The following SLC2A13 variants were observed in gnomAD, a reference collection of about 807,000 sequenced individuals.
SLC2A13 encodes proton myo-inositol cotransporter.
A neutral mutation model predicts 64.4 loss-of-function variants in SLC2A13; 32 were observed. The observed-to-expected ratio is 0.50, with a 90% CI of 0.37 to 0.67. The LOEUF (loss-of-function observed/expected upper bound fraction) is 0.67, where lower values mean the gene tolerates loss of function less well. Ranked by LOEUF, SLC2A13 falls within the 30% of genes least tolerant of loss-of-function variation. The pLI is 0.00. For synonymous variants in SLC2A13, 338 were observed against 327.1 expected (o/e 1.03, Z -0.36); for missense variants, 743 against 829.2 (o/e 0.90, Z 1.28).
chr12:39,912,846 A>G (rs1945453233), intron 4 of SLC2A13, among the ~76,000 whole-genome samples: 1 of 152,080 alleles, frequency 6.6e-6, no homozygotes, highest in African/African-American at 2.4e-5. Context: ...TTCTTTTCTC[A>G]GGTCTAGGAC....
chr12:39,905,196 A>T (rs1313746514), intron 4 of SLC2A13, among the ~76,000 whole-genome samples: 2 of 152,140 alleles, frequency 1.3e-5, no homozygotes, highest in African/African-American at 4.8e-5. Flanking sequence ...TAATACTCTG[A>T]ACACTGTACT....
At chr12:39,974,853 A>G (rs1946733740) in intron 3 of SLC2A13, among the ~76,000 whole-genome samples, 1 of 152,220 alleles carries the variant, frequency 6.6e-6, no homozygotes, top group Non-Finnish European at 1.5e-5. Flanking sequence ...AGCCTTTTAC[A>G]TAATTTTTCA....
chr12:39,972,838 C>T (rs566044), intron 3 of SLC2A13, among the ~76,000 whole-genome samples: 8,645 of 152,194 alleles, frequency 0.057, 369 homozygotes, highest in Middle Eastern at 0.14. Flanking sequence ...GAGGCCAAGG[C>T]AGGTGGATCA....
chr12:39,764,085 A>G (rs12230687), intron 9 of SLC2A13, among the ~76,000 whole-genome samples: 20,346 of 151,906 alleles, frequency 0.13, 1,634 homozygotes, highest in East Asian at 0.39. Flanking sequence ...AGGACATCTC[A>G]TTGGCCCTAG....
intron 3 of SLC2A13, among the ~76,000 whole-genome samples, chr12:39,978,542 G>C (rs528018657): frequency 1.3e-5 from 2 of 152,178 alleles, no homozygotes; most frequent in Non-Finnish European, 2.9e-5. Context: ...TTCCCTTTCG[G>C]AGTCAAAGAA....
intron 6 of SLC2A13, among the ~76,000 whole-genome samples, chr12:39,838,599 C>T (rs1943091684): frequency 6.7e-6 from 1 of 149,782 alleles, no homozygotes; most frequent in East Asian, 2.0e-4. Flanking sequence ...GGCTCTAAAA[C>T]CTAAAAATGC....
intron 4 of SLC2A13, among the ~76,000 whole-genome samples, chr12:39,895,543 TATATATATAC>T (rs1354265965): frequency 1.3e-5 from 1 of 78,796 alleles, no homozygotes; most frequent in Non-Finnish European, 2.6e-5. Context: ...TATATATATA[TATATATATAC>T]ACACACACAC....
intron 1 of SLC2A13, among the ~76,000 whole-genome samples, chr12:40,054,437 A>C (rs190843284): frequency 1.9e-4 from 29 of 152,274 alleles, no homozygotes; most frequent in African/African-American, 6.7e-4. Flanking sequence ...AACACAAGGA[A>C]TATAATGGTA....
intron 1 of SLC2A13, among the ~76,000 whole-genome samples, chr12:40,087,794 C>T (rs1032120806): frequency 6.6e-6 from 1 of 152,044 alleles, no homozygotes; most frequent in Non-Finnish European, 1.5e-5. Context: ...GCTGAGAAAC[C>T]TAGGGCTCAG....
rs572079554 is a variant in SLC2A13, at chr12:40,085,620, A to G, written c.556+19633T>C. ...AAAATATACTTTTGAGTATGTTTTTATACTCACAGTGTCCATTTCACATTG... is the reference window on the plus strand; with the variant it reads ...AAAATATACTTTTGAGTATGTTTTTGTACTCACAGTGTCCATTTCACATTG... On this transcript the variant is annotated intron_variant, in intron 1 of 9. Transcript: ENST00000280871. 4.6e-5 allele frequency among the ~76,000 whole-genome samples: 7 copies of G among 152,358 alleles called. No homozygotes were observed. The South Asian group carries it at 8.3e-4, about 18-fold the overall frequency.
chr12:39,928,558 A>G (rs1460550198), intron 4 of SLC2A13, among the ~76,000 whole-genome samples: 1 of 152,190 alleles, frequency 6.6e-6, no homozygotes, highest in Non-Finnish European at 1.5e-5. Context: ...AATAAGCAAC[A>G]TTTTTATTTC....
At position 39,934,911 on chromosome 12, in the gene SLC2A13, G is replaced by A. The variant is rs1322213792; in HGVS notation, c.1034+16346C>T. Among the ~76,000 whole-genome samples, 3 of 152,200 alleles carry A rather than the reference G, an allele frequency of 2.0e-5. No individual in the cohort carries two copies. The East Asian group carries it at 5.8e-4, about 29-fold the overall frequency. On this transcript the variant is annotated intron_variant, in intron 4 of 9. Coordinates refer to ENST00000280871, the MANE Select transcript of SLC2A13 (RefSeq NM_052885.4). ...TGAATGGCAGGTCATCAGACTATTT[G>A]TCTCTGCATGGAGCGGCTTAATAGC...
chr12:39,921,941 A>T (rs562721851), intron 4 of SLC2A13, among the ~76,000 whole-genome samples: 4 of 151,494 alleles, frequency 2.6e-5, no homozygotes, highest in Admixed American at 1.3e-4. Flanking sequence ...TAAAAGATCA[A>T]CCCAGAAGCA....
intron 4 of SLC2A13, among the ~76,000 whole-genome samples, chr12:39,928,897 T>C (rs963849285): frequency 4.6e-5 from 7 of 152,168 alleles, no homozygotes; most frequent in African/African-American, 1.7e-4. Flanking sequence ...TCTCAGACAG[T>C]AGATTATAAA....
In SLC2A13 at chr12:39,859,804, G is replaced by A. The variant is rs957514086; in HGVS notation, c.1319+4958C>T. Among the ~76,000 whole-genome samples, 12 of 152,234 alleles carry A rather than the reference G, an allele frequency of 7.9e-5. No homozygotes were observed. The East Asian group carries it at 1.5e-3, about 20-fold the overall frequency. The stretch of plus-strand genomic sequence containing the variant: ...GCCTCCCAAAGTGCTGGGATTACAC[G>A]CCTGAGCCATTGCGTCTGGCCTTAA... On this transcript the variant is annotated intron_variant, in intron 6 of 9. Transcript: ENST00000280871.
intron 3 of SLC2A13, among the ~76,000 whole-genome samples, chr12:39,972,015 T>TAAA (rs1491210436): frequency 1.2e-5 from 1 of 80,948 alleles, no homozygotes; most frequent in African/African-American, 5.0e-5. Context: ...TATATATATA[T>TAAA]TTTTTTTTAT....
intron 4 of SLC2A13, among the ~76,000 whole-genome samples, chr12:39,935,215 C>T (rs987340095): frequency 2.6e-5 from 4 of 152,052 alleles, no homozygotes; most frequent in Non-Finnish European, 5.9e-5. Flanking sequence ...CATAGCAAGA[C>T]CCCATTCTCC....
intron 3 of SLC2A13, among the ~76,000 whole-genome samples, chr12:39,963,982 A>T (rs1263174944): frequency 6.6e-6 from 1 of 152,150 alleles, no homozygotes; most frequent in Admixed American, 6.5e-5. Flanking sequence ...AGTATCTTTT[A>T]AAAAAATTGA....
chr12:39,868,948 A>T (rs1177951598), intron 5 of SLC2A13, among the ~76,000 whole-genome samples: 1 of 152,182 alleles, frequency 6.6e-6, no homozygotes, highest in African/African-American at 2.4e-5. Context: ...ACAAAAAATC[A>T]TCTTGATATA....
Sources: allele counts gnomAD v4.1 joint callset (sites outside exome capture counted in the v4.1 genomes callset), GRCh38; gene constraint gnomAD v4.1.1; transcripts MANE v1.5; gene names NCBI Gene and HGNC (gene_info 2026-07-23, HGNC 2026-07-21).